ANKMY1: variants seen among roughly 807,000 people sequenced by gnomAD.
ANKMY1 encodes the protein ankyrin repeat and MYND domain-containing protein 1.
Under a neutral mutation model 102.0 loss-of-function variants are expected in ANKMY1, and 98 were observed. That is an observed-to-expected ratio of 0.96 (90% CI 0.82 to 1.14). The LOEUF (loss-of-function observed/expected upper bound fraction) is 1.14, where lower values mean the gene tolerates loss of function less well. Ranked by LOEUF, ANKMY1 falls within the 50% of genes most tolerant of loss-of-function variation. The pLI, the probability that ANKMY1 is intolerant of heterozygous loss-of-function variation, is 0.00. For synonymous variants in ANKMY1, 582 were observed against 559.9 expected, an observed-to-expected ratio of 1.04 and a Z score of -0.56; for missense variants, 1,330 against 1,347.6, an observed-to-expected ratio of 0.99 and a Z score of 0.20.
At chr2:240,473,520 G>T in the ANKMY1 span, among the ~76,000 whole-genome samples, 1 of 148,366 alleles carries the variant, frequency 6.7e-6, no homozygotes, top group African/African-American at 2.5e-5. Flanking sequence ...ATTAAAGAGT[G>T]AAAAAAGCAT....
chr2:240,505,593 G>A (rs1398547648), intron 13 of ANKMY1, among the ~76,000 whole-genome samples: 1 of 152,190 alleles, frequency 6.6e-6, no homozygotes, highest in Non-Finnish European at 1.5e-5. Context: ...GGGGAGGGCA[G>A]GGGAGACAGA....
At chr2:240,495,228 T>C (rs2077096767) in intron 15 of ANKMY1, among the ~76,000 whole-genome samples, 1 of 152,070 alleles carries the variant, frequency 6.6e-6, no homozygotes, top group Admixed American at 6.5e-5. Flanking sequence ...AAGTACCCAC[T>C]ACTTAACAGA....
chr2:240,552,641 A>C (rs1268418889), intron 4 of ANKMY1: 1 of 456,224 alleles, frequency 2.2e-6, no homozygotes, highest in Non-Finnish European at 4.0e-6. Context: ...GTGTACAGTG[A>C]TCCAGTTTAC....
intron 3 of ANKMY1, chr2:240,554,552 G>T: frequency 3.4e-6 from 1 of 290,114 alleles, no homozygotes; most frequent in Non-Finnish European, 6.5e-6. Context: ...CCTAGACACA[G>T]GCAATTTCAC....
chr2:240,496,937 T>C (rs956426375), intron 15 of ANKMY1, among the ~76,000 whole-genome samples: 2 of 152,240 alleles, frequency 1.3e-5, no homozygotes, highest in African/African-American at 4.8e-5. Flanking sequence ...TGGCATAATT[T>C]ATAGTTAATA....
Position 240,526,431 on chromosome 2 carries a change from T to G in ANKMY1, c.968A>C (p.His323Pro). The G allele has an allele frequency of 6.2e-7, 1 of 1,614,110 alleles. No homozygotes were observed. ...GATGGCGCCCATGTTCCAGCTGGTG[T>G]GAGCTGGCTTGTTCCTGGCAACACA... ...QTYKFRNKPA[H>P]TSWNMGAILE... The change falls in exon 6 of 18, where the codon CAC becomes CCC. Residue 323 changes from histidine to proline, a missense_variant. Transcript: ENST00000401804.
intron 15 of ANKMY1, among the ~76,000 whole-genome samples, chr2:240,492,028 A>G (rs1413993623): frequency 6.6e-6 from 1 of 152,036 alleles, no homozygotes; most frequent in Admixed American, 6.6e-5. Flanking sequence ...ATTTATTTTT[A>G]GAGATAGGGT....
upstream of ANKMY1, among the ~76,000 whole-genome samples, chr2:240,558,805 G>C (rs1436420534): frequency 6.6e-6 from 1 of 152,074 alleles, no homozygotes; most frequent in African/African-American, 2.4e-5. Context: ...GCCTCCACAC[G>C]CCAGTGCCTG....
intron 15 of ANKMY1, among the ~76,000 whole-genome samples, chr2:240,497,727 C>T (rs1172400112): frequency 6.6e-6 from 1 of 152,184 alleles, no homozygotes; most frequent in East Asian, 1.9e-4. Flanking sequence ...ACTGTCTTTG[C>T]TCTGTTAAAA....
the ANKMY1 span, among the ~76,000 whole-genome samples, chr2:240,470,174 T>C: frequency 6.6e-6 from 1 of 152,222 alleles, no homozygotes; most frequent in African/African-American, 2.4e-5. Flanking sequence ...CAGTGCTCCC[T>C]TGAGTTTGGG....
chr2:240,530,133 T>C (rs1463703396), intron 4 of ANKMY1, among the ~76,000 whole-genome samples: 2 of 152,068 alleles, frequency 1.3e-5, no homozygotes, highest in African/African-American at 4.8e-5. Context: ...GAGGCCACAG[T>C]GCAAGAGAGG....
chr2:240,533,228 A>AT (rs534951819), intron 4 of ANKMY1, among the ~76,000 whole-genome samples: 60 of 152,160 alleles, frequency 3.9e-4, no homozygotes, highest in African/African-American at 1.4e-3. Flanking sequence ...TGAAAACAAG[A>AT]TTTTTTTTAA....
At chr2:240,556,094 C>T (rs753774958) in intron 2 of ANKMY1, among the ~76,000 whole-genome samples, 1 of 152,150 alleles carries the variant, frequency 6.6e-6, no homozygotes, top group Non-Finnish European at 1.5e-5. Flanking sequence ...GAACTCTGGG[C>T]TCTTCTGCTT....
chr2:240,502,778 A>G (rs1559265424), intron 13 of ANKMY1, among the ~76,000 whole-genome samples: 1 of 149,318 alleles, frequency 6.7e-6, no homozygotes, highest in East Asian at 2.0e-4. Flanking sequence ...GAACTATGAC[A>G]TCACTGCATC....
In ANKMY1 at chr2:240,506,624, G is replaced by A. The variant is rs892960037; in HGVS notation, c.2526+936C>T. Among the ~76,000 whole-genome samples the A allele has an allele frequency of 1.2e-4, 18 of 150,280 alleles. No individual in the cohort carries two copies. The highest frequency in any genetic ancestry group is 4.4e-4 in the African/African-American group (18 of 40,712). On this transcript the variant is annotated intron_variant, in intron 13 of 17. Transcript: ENST00000401804. The surrounding 1 kb of genome is among the most constrained non-coding windows in gnomAD (Gnocchi z 4.9). ...TTCCCCTTCCAAATGCCTGGGTCTC[G>A]CCCCCCATTCCAGACGCCTGAGTCT... is the stretch of plus-strand genomic sequence containing the variant.
At chr2:240,480,332 T>C (rs1204430601) in intron 17 of ANKMY1, among the ~76,000 whole-genome samples, 1 of 152,160 alleles carries the variant, frequency 6.6e-6, no homozygotes, top group Non-Finnish European at 1.5e-5. Flanking sequence ...CAGGTCCCAG[T>C]AGAGCGGTCA....
chr2:240,505,355 G>A (rs1384230989), intron 13 of ANKMY1, among the ~76,000 whole-genome samples: 8 of 151,860 alleles, frequency 5.3e-5, no homozygotes. Context: ...CCAGCTACTC[G>A]GGAGGGTGAG....
chr2:240,546,086 A>C (rs2090302167), intron 4 of ANKMY1, among the ~76,000 whole-genome samples: 1 of 152,132 alleles, frequency 6.6e-6, no homozygotes, highest in African/African-American at 2.4e-5. Context: ...AAATGAAGGA[A>C]AAAATGTTAA....
intron 9 of ANKMY1, 79 bp from the exon 10 acceptor site, chr2:240,513,021 T>C: frequency 6.5e-7 from 1 of 1,531,382 alleles, no homozygotes; most frequent in Non-Finnish European, 8.8e-7. Context: ...GGGACCCAAA[T>C]GCCAGGGAAA....
Sources: allele counts gnomAD v4.1 joint callset (sites outside exome capture counted in the v4.1 genomes callset), GRCh38; gene constraint gnomAD v4.1.1; non-coding constraint Gnocchi (gnomAD v3.1); transcripts MANE v1.5; gene names NCBI Gene and HGNC (gene_info 2026-07-23, HGNC 2026-07-21).